GPR149: variants seen among roughly 807,000 people sequenced by gnomAD.
GPR149 encodes probable G protein-coupled receptor 149.
GPR149 carries 50 observed loss-of-function variants against 50.2 expected under a neutral mutation model. The observed-to-expected ratio is 1.00, with a 90% CI of 0.79 to 1.26. The LOEUF (loss-of-function observed/expected upper bound fraction) is 1.26. GPR149 is among the 50% of genes most tolerant of loss of function. The pLI is 0.00. For synonymous variants in GPR149, 405 were observed against 358.2 expected, an observed-to-expected ratio of 1.13 and a Z score of -1.48; for missense variants, 983 against 895.4, an observed-to-expected ratio of 1.10 and a Z score of -1.25.
At chr3:154,348,172 G>C (rs1713980478) in intron 3 of GPR149, among the ~76,000 whole-genome samples, 1 of 152,180 alleles carries the variant, frequency 6.6e-6, no homozygotes, top group African/African-American at 2.4e-5. Flanking sequence ...TCTAATCCTA[G>C]TGTCTAGTGC....
rs765543244 is a variant in GPR149 at position 154,428,896 on chromosome 3, C to T, written c.720G>A (p.Gly240=). Residue 240 remains glycine, a synonymous_variant, in exon 1 of 4, where the codon GGG becomes GGA. Transcript: ENST00000389740. ...CCACTCTCCCCGCAGTAGGAGGGGT[C>T]CCAGGAATTGAAGCTCCACGGGAAA... ...QEISRGASIP[G]TPPTAGRVVS... is the part of the protein sequence containing the mutation. The T allele has an allele frequency of 9.3e-6, 15 of 1,613,918 alleles. No homozygotes were observed. The highest frequency in any genetic ancestry group is 1.3e-5 in the African/African-American group (1 of 74,910).
chr3:154,412,029 G>T (rs796388307), intron 3 of GPR149, among the ~76,000 whole-genome samples: 4 of 152,156 alleles, frequency 2.6e-5, no homozygotes, highest in African/African-American at 9.7e-5. Context: ...TACCAGGAAT[G>T]CAGGAATGGT....
chr3:154,352,439 A>G, intron 3 of GPR149: 1 of 855,386 alleles, frequency 1.2e-6, no homozygotes. Context: ...ATTCAGTTGT[A>G]GGAACATCAA....
Position 154,428,739 on chromosome 3 carries a change from G to A in GPR149, c.877C>T (p.Arg293Trp), listed in dbSNP as rs1255763508. 4.3e-6 allele frequency: 7 copies of A among 1,614,066 alleles called. No individual in the cohort carries two copies. Among genetic ancestry groups the A allele is most frequent in the East Asian group, 2.2e-5 (1 of 44,856 alleles). Residue 293 changes from arginine (R) to tryptophan (W), a missense_variant, in exon 1 of 4, where the codon CGG becomes TGG. By Grantham distance (101) the Arg-to-Trp change is moderately radical. Transcript: ENST00000389740. The part of the protein sequence containing the change: ...AGAEACRREN[R>W]GTLYGTRSFT... ...CTCCTGGTGCCATAGAGAGTCCCCC[G>A]GTTCTCACGCCTGCAGGCTTCAGCC...
intron 1 of GPR149, 104 bp from the exon 2 acceptor site, chr3:154,427,812 C>CAGGAGAAGGAA: frequency 3.7e-6 from 4 of 1,070,156 alleles, no homozygotes; most frequent in Non-Finnish European, 5.3e-6. Flanking sequence ...AGTTCCTTCT[C>CAGGAGAAGGAA]CTGATGGACA....
chr3:154,404,705 G>A (rs1711635786), intron 3 of GPR149, among the ~76,000 whole-genome samples: 1 of 152,184 alleles, frequency 6.6e-6, no homozygotes, highest in South Asian at 2.1e-4. Context: ...ATAGACCTTA[G>A]GCTTAACTTC....
intron 3 of GPR149, among the ~76,000 whole-genome samples, chr3:154,380,346 T>C (rs960328354): frequency 6.6e-6 from 1 of 152,086 alleles, no homozygotes; most frequent in Non-Finnish European, 1.5e-5. Context: ...AATCAAAAAA[T>C]TATTGTTTGG....
intron 3 of GPR149, among the ~76,000 whole-genome samples, chr3:154,361,792 C>T (rs1226640180): frequency 1.3e-5 from 2 of 152,118 alleles, no homozygotes; most frequent in East Asian, 1.9e-4. Context: ...CTGATTGAAC[C>T]TATTTGTTCT....
At chr3:154,407,693 T>TACACACACACACACACACAC (rs1175398541) in intron 3 of GPR149, among the ~76,000 whole-genome samples, 6,615 of 139,804 alleles carry the variant, frequency 0.047, 201 homozygotes, top group African/African-American at 0.068. Context: ...GTCATGTGTA[T>TACACACACACACACACACAC]ACACACACAC....
rs757480859 is a variant in GPR149, at chr3:154,421,242, T to C, written c.1420A>G (p.Thr474Ala). The change falls in exon 3 of 4, where the codon ACA becomes GCA. Residue 474 changes from threonine (T) to alanine (A), a missense_variant. Transcript: ENST00000389740. ...TTAGCTTCTGTAATATCAGTATTTGTGCATTTGTTGATGCCTCTTTGTGTG... is the reference window on the plus strand; with the variant it reads ...TTAGCTTCTGTAATATCAGTATTTGCGCATTTGTTGATGCCTCTTTGTGTG... Reference protein sequence around the residue: ...SSTQRGINKCTNTDITEAKQD... With the variant: ...SSTQRGINKCANTDITEAKQD... 2.5e-6 allele frequency: 4 copies of C among 1,613,570 alleles called. No individual in the cohort carries two copies. Among genetic ancestry groups the C allele is most frequent in the East Asian group, 4.5e-5 (2 of 44,868 alleles).
chr3:154,395,100 A>G (rs1715259002), intron 3 of GPR149, among the ~76,000 whole-genome samples: 1 of 152,174 alleles, frequency 6.6e-6, no homozygotes, highest in African/African-American at 2.4e-5. Flanking sequence ...TTTAAATATC[A>G]GAAGATTTTA....
At chr3:154,406,026 A>C (rs1371043021) in intron 3 of GPR149, among the ~76,000 whole-genome samples, 1 of 152,072 alleles carries the variant, frequency 6.6e-6, no homozygotes, top group Admixed American at 6.5e-5. Context: ...GATATAATGG[A>C]TGAAGAACTA....
intron 3 of GPR149, among the ~76,000 whole-genome samples, chr3:154,358,327 C>T (rs1478407428): frequency 6.6e-6 from 1 of 151,942 alleles, no homozygotes; most frequent in Admixed American, 6.6e-5. Context: ...AGAAGTTGGG[C>T]TAAATAAACC....
chr3:154,389,751 G>A (rs751907350), intron 3 of GPR149, among the ~76,000 whole-genome samples: 2 of 152,164 alleles, frequency 1.3e-5, no homozygotes, highest in Non-Finnish European at 2.9e-5. Flanking sequence ...TGTCTTGCCT[G>A]CCTTAGAGGA....
At chr3:154,338,406 C>T (rs940298366) in intron 3 of GPR149, 135 bp from the exon 4 acceptor site, 16 of 724,708 alleles carry the variant, frequency 2.2e-5, no homozygotes, top group East Asian at 8.3e-5. Context: ...TTTACAGATA[C>T]GGGATTTAAA....
chr3:154,354,710 A>C, intron 3 of GPR149: 5 of 559,512 alleles, frequency 8.9e-6, no homozygotes, highest in Non-Finnish European at 1.4e-5. Flanking sequence ...GGTTCAATAA[A>C]TACCTTTTGC....
At chr3:154,351,105 G>A (rs1208905757) in intron 3 of GPR149, among the ~76,000 whole-genome samples, 1 of 151,804 alleles carries the variant, frequency 6.6e-6, no homozygotes, top group Non-Finnish European at 1.5e-5. Flanking sequence ...GAGGAATCAG[G>A]ATATCTAATT....
chr3:154,343,402 T>C (rs1341402597), intron 3 of GPR149, among the ~76,000 whole-genome samples: 1 of 152,058 alleles, frequency 6.6e-6, no homozygotes, highest in African/African-American at 2.4e-5. Context: ...GTTTATTAGG[T>C]AGTGAGGGAG....
At chr3:154,340,044 G>A (rs796494159) in intron 3 of GPR149, among the ~76,000 whole-genome samples, 16 of 151,846 alleles carry the variant, frequency 1.1e-4, no homozygotes, top group Middle Eastern at 3.4e-3. Context: ...CTCCCGCCTC[G>A]GCCTCCCAAT....
Sources: allele counts gnomAD v4.1 joint callset (sites outside exome capture counted in the v4.1 genomes callset), GRCh38; gene constraint gnomAD v4.1.1; transcripts MANE v1.5; gene names NCBI Gene and HGNC (gene_info 2026-07-23, HGNC 2026-07-21).